ADGRG1: variants seen among roughly 807,000 people sequenced by gnomAD.
The protein encoded by ADGRG1 is adhesion G protein-coupled receptor G1.
ADGRG1 carries 53 observed loss-of-function variants against 73.5 expected under a neutral mutation model. The ratio of observed to expected loss-of-function variants is 0.72; its 90% CI spans 0.58 to 0.91. ADGRG1 has a LOEUF of 0.91. Among genes scored for constraint, ADGRG1 ranks in the 40% least tolerant of loss-of-function variants. ADGRG1 has a pLI of 0.00. For missense variants in ADGRG1, 795 were observed against 871.8 expected (o/e 0.91, Z 1.11); for synonymous variants, 394 against 374.4 (o/e 1.05, Z -0.60).
intron 8 of ADGRG1, 118 bp downstream of exon 8, chr16:57,656,389 A>G (rs770878601): frequency 8.7e-6 from 14 of 1,610,372 alleles, no homozygotes; most frequent in South Asian, 3.3e-5. Flanking sequence ...GACTTTGAAG[A>G]GAGAGCGATG....
rs13338340 is a variant in ADGRG1, at chr16:57,651,371, G to C, written c.236G>C (p.Arg79Pro). 2 of 1,614,002 alleles carry C rather than the reference G, an allele frequency of 1.2e-6. No homozygotes were observed. The highest frequency in any genetic ancestry group is 2.7e-5 in the African/African-American group (2 of 74,982). The change falls in exon 3 of 14, where the codon CGA becomes CCA. Residue 79 changes from arginine (R) to proline (P), a missense_variant. Transcript: ENST00000562631. ...TTCCCTGCAGCCCACCCTGCTTCCC[G>C]ATCCTTCCCTGACCCCAGGGGCCTC... is the stretch of plus-strand genomic sequence containing the variant. ...APFPAAHPAS[R>P]SFPDPRGLYH...
chr16:57,660,403 C>A, intron 11 of ADGRG1: 6 of 983,618 alleles, frequency 6.1e-6, no homozygotes, highest in Non-Finnish European at 7.2e-6. Flanking sequence ...GAGGTCAAGG[C>A]CCAGTGCAGA....
chr16:57,646,876 C>A, intron 1 of ADGRG1: 14 of 958,862 alleles, frequency 1.5e-5, no homozygotes, highest in Non-Finnish European at 1.7e-5. Flanking sequence ...TGCTAGAATG[C>A]CCCCTGCTCA....
chr16:57,642,800 C>A, intron 1 of ADGRG1: 1 of 185,832 alleles, frequency 5.4e-6, no homozygotes, highest in Non-Finnish European at 1.0e-5. Context: ...TGAGTCCCGG[C>A]TTTTCTGCTT....
At chr16:57,661,997 A>G in intron 13 of ADGRG1, 32 bp downstream of exon 13, 1 of 1,565,722 alleles carries the variant, frequency 6.4e-7, no homozygotes, top group South Asian at 1.1e-5. Context: ...TGGCCCAGGC[A>G]GGGTGTCTAC....
intron 1 of ADGRG1, chr16:57,633,458 A>G: frequency 1.0e-6 from 1 of 985,264 alleles, no homozygotes; most frequent in Non-Finnish European, 1.2e-6. Context: ...TGAGACGCAG[A>G]CCCTGTCCCC....
intron 11 of ADGRG1, chr16:57,660,267 T>G (rs1369566414): frequency 5.1e-6 from 5 of 985,242 alleles, no homozygotes; most frequent in Admixed American, 6.1e-5. Context: ...GGGTTTGTCA[T>G]TGGGCCCCTT....
upstream of ADGRG1, chr16:57,622,722 T>C: frequency 1.3e-5 from 13 of 964,594 alleles, no homozygotes; most frequent in Non-Finnish European, 1.5e-5. Flanking sequence ...CCAAGTGCTC[T>C]TGGGAGGCTA....
upstream of ADGRG1, chr16:57,628,258 A>T: frequency 8.1e-6 from 7 of 868,914 alleles, no homozygotes; most frequent in Non-Finnish European, 9.7e-6. Flanking sequence ...GTGGGCGGAC[A>T]GCATCCAAGG....
chr16:57,661,246 A>G, intron 12 of ADGRG1: 7 of 982,294 alleles, frequency 7.1e-6, no homozygotes, highest in Non-Finnish European at 8.5e-6. Flanking sequence ...GCTCTTGGCC[A>G]CACTGAGGGC....
In ADGRG1 at chr16:57,651,427, G is replaced by T. The variant is rs1444967250; in HGVS notation, c.292G>T (p.Ala98Ser). Reference sequence around the variant, plus strand: ...CTTCTGCCTCTACTGGAACCGACATGCTGGGAGATTACATCTTCTCTATGG... The same window carrying T: ...CTTCTGCCTCTACTGGAACCGACATTCTGGGAGATTACATCTTCTCTATGG... The part of the protein sequence containing the change: ...YHFCLYWNRH[A>S]GRLHLLYGKR... The change falls in exon 3 of 14, where the codon GCT (alanine) becomes TCT (serine). Residue 98 changes from alanine to serine, a missense_variant. Physicochemically the swap from Ala to Ser is moderately conservative, Grantham distance 99. Coordinates refer to ENST00000562631, the MANE Select transcript of ADGRG1 (RefSeq NM_201525.4). 1 of 1,614,212 alleles carries T rather than the reference G, an allele frequency of 6.2e-7. No homozygotes were observed. Among genetic ancestry groups the T allele is most frequent in the East Asian group, 2.2e-5 (1 of 44,886 alleles).
chr16:57,662,428 C>T (rs534431452), intron 13 of ADGRG1, among the ~76,000 whole-genome samples: 14 of 152,206 alleles, frequency 9.2e-5, no homozygotes, highest in African/African-American at 3.4e-4. Flanking sequence ...GGCCTCCCTA[C>T]TCCAGGCGCG....
At chr16:57,655,650 AC>A in intron 6 of ADGRG1, 120 bp downstream of exon 6, 1 of 1,585,720 alleles carries the variant, frequency 6.3e-7, no homozygotes, top group Non-Finnish European at 8.6e-7. Flanking sequence ...TTGTAAAGTT[AC>A]AAATTGCACT....
chr16:57,659,652 A>C lies in ADGRG1; in HGVS notation c.1526A>C (p.Tyr509Ser), dbSNP rs1211476240. 6.2e-7 allele frequency: 1 copy of C among 1,613,800 alleles called. No homozygotes were observed. The highest frequency in any genetic ancestry group is 8.5e-7 in the Non-Finnish European group (1 of 1,179,950). ...GTCTTTGGCACCTATGTCCCTGGCT[A>C]CCTACTCAAGCTGAGCGCCATGGGC... ...VEVFGTYVPG[Y>S]LLKLSAMGWG... Residue 509 changes from tyrosine to serine, a missense_variant, in exon 11 of 14, where the codon TAC (tyrosine) becomes TCC (serine). Transcript: ENST00000562631.
chr16:57,654,206 C>T, intron 5 of ADGRG1, 73 bp downstream of exon 5: 1 of 1,455,492 alleles, frequency 6.9e-7, no homozygotes, highest in South Asian at 1.2e-5. Flanking sequence ...GCTGTGAGCA[C>T]TCCCTGAAGC....
At chr16:57,628,895 T>A (rs796112571) in intron 1 of ADGRG1, 93 bp downstream of exon 1, 44 of 839,840 alleles carry the variant, frequency 5.2e-5, no homozygotes, top group African/African-American at 2.6e-4. Flanking sequence ...AGAGTGTGAG[T>A]GTGTGAGTGT....
intron 1 of ADGRG1, chr16:57,632,885 GAA>G (rs1452788976): frequency 1.0e-4 from 101 of 985,462 alleles, no homozygotes; most frequent in Non-Finnish European, 1.2e-4. Flanking sequence ...CTGGTGGCCT[GAA>G]AAGTTCTGCG....
chr16:57,626,817 T>C, upstream of ADGRG1: 1 of 981,896 alleles, frequency 1.0e-6, no homozygotes. Flanking sequence ...CCTGAAGGAC[T>C]GACCTTGGGG....
chr16:57,624,976 G>T (rs2147036046), upstream of ADGRG1, among the ~76,000 whole-genome samples: 1 of 152,284 alleles, frequency 6.6e-6, no homozygotes, highest in South Asian at 2.1e-4. Flanking sequence ...TGGATGGAGA[G>T]ATGCTTGCCC....
Sources: gnomAD v4.1 joint callset for allele counts (sites outside exome capture counted in the v4.1 genomes callset) on GRCh38, gnomAD v4.1.1 for gene constraint, MANE v1.5 for transcripts, NCBI Gene and HGNC (gene_info 2026-07-23, HGNC 2026-07-21) for gene names.